SGCZ: variants seen among roughly 807,000 people sequenced by gnomAD.
SGCZ encodes the protein zeta-sarcoglycan.
Under a neutral mutation model 41.3 loss-of-function variants are expected in SGCZ, and 40 were observed. The ratio of observed to expected loss-of-function variants is 0.97; its 90% CI spans 0.75 to 1.26. The LOEUF (loss-of-function observed/expected upper bound fraction) is 1.26, where lower values mean the gene tolerates loss of function less well. SGCZ is among the 50% of genes most tolerant of loss of function. The probability of loss-of-function intolerance (pLI) is 0.00; values close to 1 mark genes in which losing one functional copy is unlikely to be tolerated. For missense variants in SGCZ, 552 were observed against 369.8 expected, an observed-to-expected ratio of 1.49 and a Z score of -4.04; for synonymous variants, 206 against 137.5, an observed-to-expected ratio of 1.50 and a Z score of -3.49.
chr8:14,607,146 A>G (rs1805778068), intron 1 of SGCZ, among the ~76,000 whole-genome samples: 2 of 152,134 alleles, frequency 1.3e-5, no homozygotes, highest in South Asian at 4.1e-4. Flanking sequence ...TATCTTGTGA[A>G]CTTACTCTGA....
At chr8:14,776,880 C>A (rs1800420570) in intron 1 of SGCZ, among the ~76,000 whole-genome samples, 1 of 152,106 alleles carries the variant, frequency 6.6e-6, no homozygotes, top group South Asian at 2.1e-4. Flanking sequence ...AAATTAAATA[C>A]CAGGTTATAG....
At chr8:14,403,864 T>C (rs1585461798) in intron 2 of SGCZ, among the ~76,000 whole-genome samples, 2 of 152,292 alleles carry the variant, frequency 1.3e-5, no homozygotes, top group East Asian at 3.9e-4. Flanking sequence ...ATATATTTTT[T>C]ATTTCTCAGA....
chr8:14,523,640 T>C, intron 2 of SGCZ, among the ~76,000 whole-genome samples: 1 of 152,132 alleles, frequency 6.6e-6, no homozygotes, highest in Non-Finnish European at 1.5e-5. Context: ...TGTTTGTGTC[T>C]AGCTTTAGAT....
intron 1 of SGCZ, among the ~76,000 whole-genome samples, chr8:14,675,162 G>A (rs983771408): frequency 4.6e-5 from 7 of 151,246 alleles, no homozygotes; most frequent in South Asian, 2.1e-4. Context: ...GGATGGTCTC[G>A]ATCTCCTGAT....
intron 2 of SGCZ, among the ~76,000 whole-genome samples, chr8:14,448,430 C>A (rs1392770044): frequency 2.0e-5 from 3 of 152,162 alleles, no homozygotes; most frequent in African/African-American, 7.2e-5. Flanking sequence ...CCACACTTTA[C>A]TGCACAGAAT....
chr8:14,237,506 A>AACAACG (rs368160849), intron 4 of SGCZ, 86 bp downstream of exon 4: 15,055 of 1,101,332 alleles, frequency 0.014, 585 homozygotes, highest in African/African-American at 0.13. Context: ...CAACAACAAC[A>AACAACG]ACGACAACAA....
At chr8:14,698,332 T>C (rs556847828) in intron 1 of SGCZ, among the ~76,000 whole-genome samples, 2 of 152,036 alleles carry the variant, frequency 1.3e-5, no homozygotes, top group Admixed American at 1.3e-4. Flanking sequence ...TATTTCAGAT[T>C]GCTGGACAAT....
intron 1 of SGCZ, among the ~76,000 whole-genome samples, chr8:14,977,874 C>T (rs552254849): frequency 1.7e-5 from 2 of 116,730 alleles, no homozygotes; most frequent in East Asian, 2.3e-4. Flanking sequence ...AAATCAAGAA[C>T]AATTTTACAC....
At chr8:15,067,470 A>T (rs17120832) in intron 1 of SGCZ, among the ~76,000 whole-genome samples, 11,756 of 152,232 alleles carry the variant, frequency 0.077, 700 homozygotes, top group African/African-American at 0.16. Context: ...GACTTTACAG[A>T]GGTTATTCAA....
intron 1 of SGCZ, among the ~76,000 whole-genome samples, chr8:15,061,485 AC>A (rs1804927504): frequency 1.3e-5 from 2 of 151,882 alleles, no homozygotes; most frequent in African/African-American, 4.8e-5. Flanking sequence ...TACCTAAGTA[AC>A]AAACCTGCAC....
intron 1 of SGCZ, among the ~76,000 whole-genome samples, chr8:15,001,483 A>G (rs1269537200): frequency 6.6e-6 from 1 of 152,182 alleles, no homozygotes; most frequent in African/African-American, 2.4e-5. Context: ...CAATCCCAGC[A>G]CTTTGGGAGG....
intron 1 of SGCZ, among the ~76,000 whole-genome samples, chr8:14,781,664 G>T (rs1800591519): frequency 6.6e-6 from 1 of 151,960 alleles, no homozygotes; most frequent in Admixed American, 6.6e-5. Flanking sequence ...ACATATAGAC[G>T]TTCCTCAACT....
chr8:14,492,911 T>G (rs1023004933), intron 2 of SGCZ, among the ~76,000 whole-genome samples: 1 of 152,156 alleles, frequency 6.6e-6, no homozygotes, highest in Admixed American at 6.5e-5. Context: ...TCACCAAGTC[T>G]TTTCAGATTT....
At chr8:14,393,178 T>G (rs73219735) in intron 2 of SGCZ, among the ~76,000 whole-genome samples, 1 of 152,188 alleles carries the variant, frequency 6.6e-6, no homozygotes, top group Non-Finnish European at 1.5e-5. Context: ...GATATTGATA[T>G]AAGAGTTAAG....
chr8:14,542,852 T>C (rs1803512251), intron 2 of SGCZ, among the ~76,000 whole-genome samples: 1 of 152,110 alleles, frequency 6.6e-6, no homozygotes, highest in African/African-American at 2.4e-5. Context: ...CTAAGGGTGC[T>C]ATTTACGTTT....
At chr8:14,347,996 A>G (rs1210067082) in intron 2 of SGCZ, among the ~76,000 whole-genome samples, 3 of 152,062 alleles carry the variant, frequency 2.0e-5, no homozygotes, top group Non-Finnish European at 4.4e-5. Context: ...ATTCCCTTGC[A>G]TCATGCACGC....
At chr8:15,079,451 A>T (rs1805662237) in intron 1 of SGCZ, among the ~76,000 whole-genome samples, 1 of 152,198 alleles carries the variant, frequency 6.6e-6, no homozygotes, top group Non-Finnish European at 1.5e-5. Context: ...GCTAACTATA[A>T]GATGAAATTA....
rs114042087 is a variant in SGCZ, at chr8:14,628,068, G to T, written c.40-73142C>A. On this transcript the variant is annotated intron_variant, in intron 1 of 7. Transcript: ENST00000382080. ...GGCCTCATAGACAGTTCATCTTGCT[G>T]GTTAGAATAGTCCTAAATGTTATGC... Among the ~76,000 whole-genome samples the T allele has an allele frequency of 8.7e-4, 133 of 152,162 alleles. 1 individual carries two copies. Among genetic ancestry groups the T allele is most frequent in the African/African-American group, 3.1e-3 (128 of 41,544 alleles).
At chr8:14,812,245 AT>A (rs550887862) in intron 1 of SGCZ, among the ~76,000 whole-genome samples, 1 of 152,028 alleles carries the variant, frequency 6.6e-6, no homozygotes, top group Non-Finnish European at 1.5e-5. Flanking sequence ...AAATCAATTT[AT>A]TTTTTCCAAC....
Sources: gnomAD v4.1 joint callset for allele counts (sites outside exome capture counted in the v4.1 genomes callset) on GRCh38, gnomAD v4.1.1 for gene constraint, MANE v1.5 for transcripts, NCBI Gene and HGNC (gene_info 2026-07-23, HGNC 2026-07-21) for gene names.